The following GRM8 variants were observed in gnomAD, a reference collection of about 807,000 sequenced individuals.
GRM8 encodes metabotropic glutamate receptor 8.
Under a neutral mutation model 87.2 loss-of-function variants are expected in GRM8, and 47 were observed. The ratio of observed to expected loss-of-function variants is 0.54; its 90% CI spans 0.43 to 0.69. GRM8 has a LOEUF of 0.69. Among genes scored for constraint, GRM8 ranks in the 30% least tolerant of loss-of-function variants. The pLI is 0.00. For missense variants in GRM8, 1,019 were observed against 1,139.2 expected (o/e 0.89, Z 1.52); for synonymous variants, 396 against 404.5 (o/e 0.98, Z 0.25).
intron 3 of GRM8, among the ~76,000 whole-genome samples, chr7:126,926,099 G>A (rs1276671698): frequency 6.6e-6 from 1 of 151,978 alleles, no homozygotes; most frequent in Non-Finnish European, 1.5e-5. Flanking sequence ...TATGGTTAAC[G>A]TTCTCCTAAT....
intron 3 of GRM8, among the ~76,000 whole-genome samples, chr7:127,084,016 C>G (rs150987932): frequency 3.6e-4 from 55 of 152,276 alleles, no homozygotes; most frequent in Admixed American, 3.5e-3. Context: ...GAGACCTTAG[C>G]AGAGATACAA....
chr7:126,503,436 A>G (rs2150706773), intron 9 of GRM8, among the ~76,000 whole-genome samples: 1 of 152,138 alleles, frequency 6.6e-6, no homozygotes, highest in East Asian at 2.0e-4. Flanking sequence ...TTAGTTTGGG[A>G]TTATCAAATA....
chr7:126,998,539 T>C (rs1225371996), intron 3 of GRM8, among the ~76,000 whole-genome samples: 1 of 151,764 alleles, frequency 6.6e-6, no homozygotes, highest in Non-Finnish European at 1.5e-5. Context: ...CACTTCACCA[T>C]AAAACTGTTA....
intron 3 of GRM8, among the ~76,000 whole-genome samples, chr7:127,094,880 C>T (rs1824488854): frequency 6.6e-6 from 1 of 152,160 alleles, no homozygotes; most frequent in Non-Finnish European, 1.5e-5. Context: ...TCACTTGAGG[C>T]TAAATTCCTT....
chr7:126,722,388 AG>A lies in GRM8; in HGVS notation c.1357+47476del, dbSNP rs745609591. On this transcript the variant is annotated intron_variant, in intron 7 of 10. Transcript: ENST00000339582. Reference sequence around the variant, plus strand: ...CCTACATACTTCTTGAATCAGCCTCAGGTTCTGCATCTAGTACCACAGCTCT... The same window carrying A: ...CCTACATACTTCTTGAATCAGCCTCAGTTCTGCATCTAGTACCACAGCTCT... Among the ~76,000 whole-genome samples, 53 of 152,252 alleles carry A rather than the reference AG, an allele frequency of 3.5e-4. 1 individual carries two copies. In the South Asian group the frequency reaches 0.011, roughly 32 times the overall value.
intron 7 of GRM8, among the ~76,000 whole-genome samples, chr7:126,769,196 C>T (rs1818562101): frequency 6.6e-6 from 1 of 152,106 alleles, no homozygotes. Flanking sequence ...AGAACAGCAG[C>T]ATTCAATAAT....
intron 3 of GRM8, among the ~76,000 whole-genome samples, chr7:126,971,298 G>T (rs1319976373): frequency 6.6e-6 from 1 of 151,942 alleles, no homozygotes; most frequent in African/African-American, 2.4e-5. Flanking sequence ...TACAGGGACT[G>T]GGTGGTAACA....
chr7:126,635,710 C>T (rs1024551681), intron 7 of GRM8, among the ~76,000 whole-genome samples: 13 of 152,086 alleles, frequency 8.5e-5, no homozygotes, highest in Non-Finnish European at 1.0e-4. Context: ...TATCCAAATG[C>T]ATAACACAGG....
intron 9 of GRM8, among the ~76,000 whole-genome samples, chr7:126,513,857 G>A (rs1479428163): frequency 1.3e-5 from 2 of 152,072 alleles, no homozygotes; most frequent in African/African-American, 4.8e-5. Context: ...ATAATCAGAG[G>A]TGTATACTAC....
At chr7:126,544,453 A>C (rs145914863) in intron 8 of GRM8, among the ~76,000 whole-genome samples, 1 of 152,120 alleles carries the variant, frequency 6.6e-6, no homozygotes, top group Non-Finnish European at 1.5e-5. Flanking sequence ...CCCTGACCGC[A>C]TACCTCACAA....
intron 3 of GRM8, among the ~76,000 whole-genome samples, chr7:127,040,861 T>C (rs1191446721): frequency 1.3e-5 from 2 of 152,124 alleles, no homozygotes; most frequent in African/African-American, 4.8e-5. Flanking sequence ...ATATGCTACA[T>C]GAGGAAGAGA....
At chr7:127,063,719 G>A (rs1018640230) in intron 3 of GRM8, among the ~76,000 whole-genome samples, 3 of 152,088 alleles carry the variant, frequency 2.0e-5, no homozygotes, top group African/African-American at 7.2e-5. Context: ...TCTTGCAGTT[G>A]TGAAATTAAG....
intron 7 of GRM8, among the ~76,000 whole-genome samples, chr7:126,672,566 G>A (rs1200618041): frequency 6.6e-6 from 1 of 152,056 alleles, no homozygotes; most frequent in African/African-American, 2.4e-5. Flanking sequence ...TCCAAACTGG[G>A]AAAAGTTAAT....
chr7:126,904,946 T>C (rs1276041031), intron 3 of GRM8, among the ~76,000 whole-genome samples: 1 of 152,198 alleles, frequency 6.6e-6, no homozygotes, highest in African/African-American at 2.4e-5. Flanking sequence ...AACCAAGGTG[T>C]ATAAGATGTG....
chr7:126,979,295 C>T (rs1294947731), intron 3 of GRM8, among the ~76,000 whole-genome samples: 1 of 152,002 alleles, frequency 6.6e-6, no homozygotes, highest in Non-Finnish European at 1.5e-5. Context: ...CCTAAGCAAG[C>T]TATAACCAGG....
At chr7:126,575,077 T>C (rs1220998919) in intron 8 of GRM8, among the ~76,000 whole-genome samples, 1 of 152,098 alleles carries the variant, frequency 6.6e-6, no homozygotes, top group African/African-American at 2.4e-5. Context: ...AGGGCAGGGG[T>C]TCCCAGCCCC....
intron 9 of GRM8, among the ~76,000 whole-genome samples, chr7:126,460,700 C>T (rs1343830782): frequency 6.6e-6 from 1 of 151,474 alleles, no homozygotes; most frequent in Non-Finnish European, 1.5e-5. Context: ...TTACCGTGAC[C>T]AGGTACCTGA....
intron 9 of GRM8, among the ~76,000 whole-genome samples, chr7:126,476,843 C>CA (rs901271709): frequency 1.4e-4 from 20 of 146,382 alleles, no homozygotes; most frequent in Non-Finnish European, 2.4e-4. Flanking sequence ...GAAGATTCCT[C>CA]AAAAAAATAA....
intron 7 of GRM8, among the ~76,000 whole-genome samples, chr7:126,750,438 T>C (rs1816289918): frequency 6.6e-6 from 1 of 152,042 alleles, no homozygotes; most frequent in Non-Finnish European, 1.5e-5. Context: ...AAACCTCAAA[T>C]TGTACACTTG....
Sources: gnomAD v4.1 joint callset for allele counts (sites outside exome capture counted in the v4.1 genomes callset) on GRCh38, gnomAD v4.1.1 for gene constraint, MANE v1.5 for transcripts, NCBI Gene and HGNC (gene_info 2026-07-23, HGNC 2026-07-21) for gene names.